The following ZNF285 variants were observed in gnomAD, a reference collection of about 807,000 sequenced individuals.
ZNF285 encodes the protein zinc finger protein 285A.
A neutral mutation model predicts 6.2 loss-of-function variants in ZNF285; 4 were observed. That is an observed-to-expected ratio of 0.65 (90% CI 0.32 to 1.49). The LOEUF (loss-of-function observed/expected upper bound fraction) is 1.49, where lower values mean the gene tolerates loss of function less well. Among genes scored for constraint, ZNF285 ranks in the 40% most tolerant of loss-of-function variants. The probability of loss-of-function intolerance (pLI) is 0.07; values close to 1 mark genes in which losing one functional copy is unlikely to be tolerated. For synonymous variants in ZNF285, 240 were observed against 245.8 expected (o/e 0.98, Z 0.22); for missense variants, 695 against 708.8 (o/e 0.98, Z 0.22).
At chr19:44,396,188 C>T (rs1971277527) in intron 2 of ZNF285, among the ~76,000 whole-genome samples, 1 of 152,030 alleles carries the variant, frequency 6.6e-6, no homozygotes, top group Admixed American at 6.6e-5. Context: ...AAATACCATG[C>T]CTCTTTCAAA....
chr19:44,401,089 C>T (rs1414199552), intron 1 of ZNF285, among the ~76,000 whole-genome samples: 3 of 152,028 alleles, frequency 2.0e-5, no homozygotes, highest in Non-Finnish European at 2.9e-5. Context: ...GCCAGAATCG[C>T]CCCCACCAAA....
chr19:44,387,487 G>A lies in ZNF285; in HGVS notation c.758C>T (p.Thr253Ile). The change falls in exon 4 of 4, where the codon ACT becomes ATT. Residue 253 changes from threonine to isoleucine, a missense_variant. By Grantham distance (89) the Thr-to-Ile change is moderately conservative (BLOSUM62 -1). Transcript: ENST00000614994. ...DDTDPHVHHS[T>I]HLGEKSYKCD... ...TTTATAAGATTTTTCTCCTAGGTGAGTGCTGTGATGGACATGAGGATCTGT... is the reference window on the plus strand; with the variant it reads ...TTTATAAGATTTTTCTCCTAGGTGAATGCTGTGATGGACATGAGGATCTGT... The A allele has an allele frequency of 1.9e-6, 3 of 1,614,020 alleles. No homozygotes were observed. Among genetic ancestry groups the A allele is most frequent in the Non-Finnish European group, 1.7e-6 (2 of 1,179,922 alleles).
intron 1 of ZNF285, among the ~76,000 whole-genome samples, chr19:44,400,548 T>C (rs1296227329): frequency 6.6e-6 from 1 of 152,108 alleles, no homozygotes; most frequent in Non-Finnish European, 1.5e-5. Flanking sequence ...GAGGTGAGAA[T>C]GGAGTTAATA....
Position 44,386,712 on chromosome 19 carries a change from T to C in ZNF285, c.1533A>G (p.Pro511=). The C allele has an allele frequency of 1.2e-6, 2 of 1,614,192 alleles. No individual in the cohort carries two copies. Among genetic ancestry groups the C allele is most frequent in the Non-Finnish European group, 8.5e-7 (1 of 1,180,018 alleles). Residue 511 remains proline, a synonymous_variant, in exon 4 of 4, where the codon CCA becomes CCG. Transcript: ENST00000614994. ...LHQRDHIREK[P]YKCDECGKGF... ...CTTTACCACACTCATCACATTTATA[T>C]GGTTTCTCTCTGATGTGATCTCTTT...
intron 2 of ZNF285, among the ~76,000 whole-genome samples, chr19:44,395,899 T>G (rs2123284025): frequency 6.6e-6 from 1 of 152,248 alleles, no homozygotes; most frequent in East Asian, 1.9e-4. Flanking sequence ...AGCAGAGTGC[T>G]ACCAAATATC....
intron 3 of ZNF285, among the ~76,000 whole-genome samples, chr19:44,391,253 C>T (rs991391128): frequency 8.5e-5 from 13 of 152,086 alleles, no homozygotes; most frequent in Admixed American, 7.9e-4. Context: ...GAGGCCTCCC[C>T]AGGCACGTGG....
At chr19:44,389,585 G>A (rs1394603277) in intron 3 of ZNF285, among the ~76,000 whole-genome samples, 2 of 152,018 alleles carry the variant, frequency 1.3e-5, no homozygotes, top group East Asian at 1.9e-4. Flanking sequence ...AATACACTTC[G>A]ATAAATTCTT....
rs575877612 is a variant in ZNF285 at position 44,397,289 on chromosome 19, G to C, written c.-43-33C>G. Reference sequence around the variant, plus strand: ...GAAGAAATAATCCATGAGATCATGGGTTCAACAAGTTGTGAATGAACATTG... The same window carrying C: ...GAAGAAATAATCCATGAGATCATGGCTTCAACAAGTTGTGAATGAACATTG... On this transcript the variant is annotated intron_variant, in intron 1 of 3. Coordinates refer to ENST00000614994, the MANE Select transcript of ZNF285 (RefSeq NM_152354.6). 2.9e-5 allele frequency: 47 copies of C among 1,605,884 alleles called. No individual in the cohort carries two copies. The East Asian group carries it at 3.8e-4, about 13-fold the overall frequency.
Position 44,386,021 on chromosome 19 carries a change from C to T in ZNF285, c.*451G>A, listed in dbSNP as rs73934846. The T allele has an allele frequency of 0.011, 1,828 of 163,822 alleles. 34 individuals carry two copies. Among genetic ancestry groups the T allele is most frequent in the African/African-American group, 0.039 (1,640 of 41,632 alleles). 10.1% of individuals were successfully genotyped at this position (163,822 alleles called of 1,614,324 possible). A position where few individuals can be genotyped will look rare whatever the true frequency, so the allele number is the denominator to read the frequency against. On this transcript the variant is annotated 3_prime_UTR_variant, in exon 4 of 4. Coordinates refer to ENST00000614994, the MANE Select transcript of ZNF285 (RefSeq NM_152354.6). Reference sequence around the variant, plus strand: ...ATCTCATGGAAAACCTGGGTACTAACGTTCTTTCATAGTAAGAGCATGGGT... The same window carrying T: ...ATCTCATGGAAAACCTGGGTACTAATGTTCTTTCATAGTAAGAGCATGGGT...
chr19:44,388,087 T>C lies in ZNF285; in HGVS notation c.158A>G (p.Asn53Ser). 1.2e-6 allele frequency: 2 copies of C among 1,613,026 alleles called. No homozygotes were observed. Among genetic ancestry groups the C allele is most frequent in the Non-Finnish European group, 1.7e-6 (2 of 1,179,408 alleles). The stretch of plus-strand genomic sequence containing the variant: ...CTTTGCCTGAAGATTCAAAATGTTG[T>C]TTTTAATCCCGTCTCCTAGGAGAAG... ...NLMLVRDGIK[N>S]NILNLQAKGL... is the part of the protein sequence containing the mutation. The change falls in exon 4 of 4, where the codon AAC becomes AGC. Residue 53 changes from asparagine (N) to serine (S), a missense_variant. Transcript: ENST00000614994.
At chr19:44,389,212 A>G (rs1418160123) in intron 3 of ZNF285, among the ~76,000 whole-genome samples, 48 of 151,982 alleles carry the variant, frequency 3.2e-4, no homozygotes, top group Non-Finnish European at 2.9e-5. Context: ...CACCCAGGGA[A>G]GCAAGACTGT....
intron 1 of ZNF285, among the ~76,000 whole-genome samples, chr19:44,397,896 A>T (rs111744324): frequency 1.3e-5 from 2 of 150,846 alleles, no homozygotes; most frequent in African/African-American, 2.5e-5. Flanking sequence ...AAAAAAAAAA[A>T]AACAGAGGAA....
rs1481969519 is a variant in ZNF285, at chr19:44,401,559, G to A, written c.-44+9C>T. 6.6e-6 allele frequency: 1 copy of A among 152,298 alleles called. No homozygotes were observed. The highest frequency in any genetic ancestry group is 6.5e-5 in the Admixed American group (1 of 15,292). The allele number at this position is 152,298 out of a possible 1,614,324, so 9.4% of individuals were successfully genotyped here. Reference sequence around the variant, plus strand: ...CCTCCAAGAGGGGCGCGGTACAGACGGGACTCACCCCAGCGTCCCAAACAA... The same window carrying A: ...CCTCCAAGAGGGGCGCGGTACAGACAGGACTCACCCCAGCGTCCCAAACAA... On this transcript the variant is annotated intron_variant, in intron 1 of 3. Coordinates refer to ENST00000614994, the MANE Select transcript of ZNF285 (RefSeq NM_152354.6).
chr19:44,398,779 T>A (rs1423524867), intron 1 of ZNF285, among the ~76,000 whole-genome samples: 1 of 152,128 alleles, frequency 6.6e-6, no homozygotes, highest in African/African-American at 2.4e-5. Flanking sequence ...GTGGAGAAAC[T>A]TATTGTATAA....
intron 3 of ZNF285, among the ~76,000 whole-genome samples, chr19:44,391,352 C>A (rs551001312): frequency 6.6e-6 from 1 of 151,952 alleles, no homozygotes; most frequent in East Asian, 1.9e-4. Flanking sequence ...AGTAATACAT[C>A]CATAAAAGGG....
chr19:44,387,151 A>C lies in ZNF285; in HGVS notation c.1094T>G (p.Val365Gly). The change falls in exon 4 of 4, where the codon GTA (valine) becomes GGA (glycine). Residue 365 changes from valine to glycine, a missense_variant. By Grantham distance (109) the Val-to-Gly change is moderately radical (BLOSUM62 -3). Coordinates refer to ENST00000614994, the MANE Select transcript of ZNF285 (RefSeq NM_152354.6). ...FRSLLCIHQG[V>G]HTGKKPYKCE... ...TTTATAGGGCTTTTTCCCTGTGTGTACTCCCTGATGAATACAAAGAAGTGA... is the reference window on the plus strand; with the variant it reads ...TTTATAGGGCTTTTTCCCTGTGTGTCCTCCCTGATGAATACAAAGAAGTGA... 1 of 1,613,786 alleles carries C rather than the reference A, an allele frequency of 6.2e-7. No homozygotes were observed. The highest frequency in any genetic ancestry group is 8.5e-7 in the Non-Finnish European group (1 of 1,179,968).
intron 1 of ZNF285, chr19:44,401,328 A>G (rs1971373028): frequency 1.3e-5 from 2 of 152,272 alleles, no homozygotes. Flanking sequence ...GTTTTGTCAA[A>G]CCCAGGGCTG....
At position 44,384,635 on chromosome 19, in the gene ZNF285, A is replaced by G. The variant is rs1466479733; in HGVS notation, c.*1837T>C. On this transcript the variant is annotated 3_prime_UTR_variant, in exon 4 of 4. Transcript: ENST00000614994. ...AAAACTAGGAATAAACCATGATCCAAATGAAGAAACCTATAAGTCAATTAA... is the reference window on the plus strand; with the variant it reads ...AAAACTAGGAATAAACCATGATCCAGATGAAGAAACCTATAAGTCAATTAA... The G allele has an allele frequency of 2.0e-5, 3 of 152,158 alleles. No individual in the cohort carries two copies. The highest frequency in any genetic ancestry group is 2.0e-4 in the Admixed American group (3 of 15,280). 9.4% of individuals were successfully genotyped at this position (152,158 alleles called of 1,614,324 possible).
At chr19:44,388,740 T>C (rs1971142180) in intron 3 of ZNF285, among the ~76,000 whole-genome samples, 2 of 143,398 alleles carry the variant, frequency 1.4e-5, no homozygotes, top group Non-Finnish European at 2.9e-5. Context: ...AAATAATACA[T>C]ATTGATGGAG....
Sources: gnomAD v4.1 joint callset for allele counts (sites outside exome capture counted in the v4.1 genomes callset) on GRCh38, gnomAD v4.1.1 for gene constraint, MANE v1.5 for transcripts, NCBI Gene and HGNC (gene_info 2026-07-23, HGNC 2026-07-21) for gene names.